Variants in GPD2 observed in about 807,000 individuals in gnomAD.
The protein encoded by GPD2 is glycerol-3-phosphate dehydrogenase, mitochondrial.
In GPD2, 54 loss-of-function variants were observed where a neutral mutation model predicts 82.4. That is an observed-to-expected ratio of 0.66 (90% CI 0.53 to 0.82). The LOEUF (loss-of-function observed/expected upper bound fraction) is 0.82, where lower values mean the gene tolerates loss of function less well. Ranked by LOEUF, GPD2 falls within the 40% of genes least tolerant of loss-of-function variation. GPD2 has a pLI of 0.00. For missense variants in GPD2, 748 were observed against 896.2 expected (o/e 0.83, Z 2.11); for synonymous variants, 288 against 306.1 (o/e 0.94, Z 0.62).
the GPD2 span, among the ~76,000 whole-genome samples, chr2:156,401,051 T>C: frequency 6.6e-6 from 1 of 152,332 alleles, no homozygotes; most frequent in Admixed American, 6.5e-5. Flanking sequence ...CATTAATACT[T>C]CTTTATTTGC....
At chr2:156,571,064 A>T in intron 12 of GPD2, 70 bp from the exon 13 acceptor site, 1 of 1,012,348 alleles carries the variant, frequency 9.9e-7, no homozygotes, top group Non-Finnish European at 1.6e-6. Flanking sequence ...TATTTTTTTT[A>T]AGTGAAGCTT....
rs1280903628 is a variant in GPD2 at position 156,488,083 on chromosome 2, CT to C, written c.103-7952del. On this transcript the variant is annotated intron_variant, in intron 2 of 16. Coordinates refer to ENST00000438166, the MANE Select transcript of GPD2 (RefSeq NM_000408.5). ...TCAGCTACCCCAGAAGGATGGGCTCCTTTTTTTTTCTTTTGTGTGGACCCCA... is the reference window on the plus strand; with the variant it reads ...TCAGCTACCCCAGAAGGATGGGCTCCTTTTTTTTCTTTTGTGTGGACCCCA... Among the ~76,000 whole-genome samples, 7 of 151,474 alleles carry C rather than the reference CT, an allele frequency of 4.6e-5. No homozygotes were observed. The South Asian group carries it at 1.0e-3, about 23-fold the overall frequency.
At chr2:156,421,260 C>T in the GPD2 span, among the ~76,000 whole-genome samples, 1 of 152,172 alleles carries the variant, frequency 6.6e-6, no homozygotes, top group Admixed American at 6.5e-5. Flanking sequence ...CCTCTGTCCC[C>T]AAACTGTTTT....
chr2:156,581,860 A>T (rs1221482672), intron 16 of GPD2, among the ~76,000 whole-genome samples: 1 of 152,046 alleles, frequency 6.6e-6, no homozygotes, highest in Non-Finnish European at 1.5e-5. Flanking sequence ...GCTCTTTTTA[A>T]GCAACGTGTC....
chr2:156,513,182 G>A, intron 5 of GPD2, 151 bp from the exon 6 acceptor site: 1 of 704,276 alleles, frequency 1.4e-6, no homozygotes, highest in Non-Finnish European at 2.6e-6. Flanking sequence ...CTAGGTTGGT[G>A]TCAAAAACAG....
intron 13 of GPD2, among the ~76,000 whole-genome samples, chr2:156,575,260 AT>A (rs750335538): frequency 8.8e-4 from 134 of 152,312 alleles, no homozygotes; most frequent in Non-Finnish European, 1.6e-3. Flanking sequence ...TGGTCTTGGC[AT>A]TGATCTTGCG....
intron 16 of GPD2, among the ~76,000 whole-genome samples, chr2:156,580,127 A>G (rs556421040): frequency 1.8e-4 from 28 of 152,276 alleles, no homozygotes; most frequent in African/African-American, 6.5e-4. Flanking sequence ...TCTTTTGCTT[A>G]CTTTTCTTTT....
At chr2:156,505,184 GA>G (rs1308574091) in intron 3 of GPD2, among the ~76,000 whole-genome samples, 1 of 152,044 alleles carries the variant, frequency 6.6e-6, no homozygotes, top group African/African-American at 2.4e-5. Flanking sequence ...ACTCAGGTCA[GA>G]AAAGACAAAG....
At chr2:156,539,022 C>G (rs1007668550) in intron 6 of GPD2, among the ~76,000 whole-genome samples, 2 of 151,884 alleles carry the variant, frequency 1.3e-5, no homozygotes, top group Admixed American at 6.6e-5. Context: ...GTCTCAAGCC[C>G]CATATAAAGT....
chr2:156,557,568 GT>G lies in GPD2; in HGVS notation c.1153del (p.Cys385ValfsTer5), dbSNP rs747249658. 3 of 1,573,838 alleles carry G rather than the reference GT, an allele frequency of 1.9e-6. No individual in the cohort carries two copies. In the East Asian group the frequency reaches 6.7e-5, roughly 35 times the overall value. ...FILNEVRNYL[S>X]CDVEVRRGDV... ...TTGAATGAAGTGCGTAATTACCTGAGTTGTGATGTTGAAGGTAACTAAGCAT... is the reference window on the plus strand; with the variant it reads ...TTGAATGAAGTGCGTAATTACCTGAGTGTGATGTTGAAGGTAACTAAGCAT... On this transcript the variant is annotated frameshift_variant, in exon 9 of 17. Transcript: ENST00000438166. LOFTEE classifies it high-confidence loss of function.
At chr2:156,515,446 C>CCA (rs1416379798) in intron 6 of GPD2, among the ~76,000 whole-genome samples, 1 of 151,034 alleles carries the variant, frequency 6.6e-6, no homozygotes, top group Non-Finnish European at 1.5e-5. Flanking sequence ...TCCTGTTTTA[C>CCA]ATTGGTTTGG....
chr2:156,450,818 C>CA (rs2105154260), intron 1 of GPD2, among the ~76,000 whole-genome samples: 1 of 121,168 alleles, frequency 8.3e-6, no homozygotes, highest in South Asian at 3.2e-4. Context: ...CGGCCTTCCG[C>CA]AGTGTTTGTG....
At chr2:156,408,142 A>G in the GPD2 span, among the ~76,000 whole-genome samples, 1 of 151,546 alleles carries the variant, frequency 6.6e-6, no homozygotes, top group Non-Finnish European at 1.5e-5. Flanking sequence ...TTTTGTAGAC[A>G]TGGGGTTTTG....
chr2:156,426,301 C>A, the GPD2 span, among the ~76,000 whole-genome samples: 1 of 152,196 alleles, frequency 6.6e-6, no homozygotes, highest in Admixed American at 6.5e-5. Flanking sequence ...AGAAAACTTA[C>A]AATCACGGCA....
chr2:156,495,856 A>C (rs184643613), intron 2 of GPD2, among the ~76,000 whole-genome samples, 188 bp from the exon 3 acceptor site: 1 of 152,176 alleles, frequency 6.6e-6, no homozygotes, highest in Admixed American at 6.5e-5. Flanking sequence ...TCATGAAAAG[A>C]AATACACCGA....
At chr2:156,460,206 A>T (rs772389835) in intron 1 of GPD2, among the ~76,000 whole-genome samples, 3 of 152,206 alleles carry the variant, frequency 2.0e-5, no homozygotes, top group Non-Finnish European at 4.4e-5. Flanking sequence ...ACTCTGCTGA[A>T]TTCCATCAGC....
At chr2:156,428,815 G>C in the GPD2 span, among the ~76,000 whole-genome samples, 1 of 152,158 alleles carries the variant, frequency 6.6e-6, no homozygotes, top group South Asian at 2.1e-4. Flanking sequence ...CTGCTTTCCT[G>C]TCTTCCATTT....
chr2:156,583,033 C>A lies in GPD2; in HGVS notation c.*115C>A. The A allele has an allele frequency of 1.8e-6, 2 of 1,113,298 alleles. No individual in the cohort carries two copies. The highest frequency in any genetic ancestry group is 1.3e-6 in the Non-Finnish European group (1 of 744,944). 69.0% of individuals were successfully genotyped at this position (1,113,298 alleles called of 1,614,324 possible). A position where few individuals can be genotyped will look rare whatever the true frequency, so the allele number is the denominator to read the frequency against. ...GAATGTGGATAGCTGCCTTTTTTAACACTAGAAAACATTCCAAAACTTTAA... is the reference window on the plus strand; with the variant it reads ...GAATGTGGATAGCTGCCTTTTTTAAAACTAGAAAACATTCCAAAACTTTAA... On this transcript the variant is annotated 3_prime_UTR_variant, in exon 17 of 17. Transcript: ENST00000438166.
intron 9 of GPD2, among the ~76,000 whole-genome samples, chr2:156,565,043 T>C (rs1034963607): frequency 3.9e-5 from 6 of 152,122 alleles, no homozygotes; most frequent in African/African-American, 1.2e-4. Flanking sequence ...CAATACAATT[T>C]CATAGATGTG....
Sources: allele counts gnomAD v4.1 joint callset (sites outside exome capture counted in the v4.1 genomes callset), GRCh38; gene constraint gnomAD v4.1.1; transcripts MANE v1.5; gene names NCBI Gene and HGNC (gene_info 2026-07-23, HGNC 2026-07-21).